The following CCDC181 variants were observed in gnomAD, a reference collection of about 807,000 sequenced individuals.
CCDC181 encodes coiled-coil domain containing 181, also known as coiled-coil domain-containing protein 181.
In CCDC181, 35 loss-of-function variants were observed where a neutral mutation model predicts 58.7. That is an observed-to-expected ratio of 0.60 (90% CI 0.46 to 0.79). The LOEUF (loss-of-function observed/expected upper bound fraction) is 0.79. CCDC181 is among the 30% of genes least tolerant of loss of function. CCDC181 has a pLI of 0.00. For missense variants in CCDC181, 517 were observed against 583.9 expected (o/e 0.89, Z 1.18); for synonymous variants, 183 against 197.5 (o/e 0.93, Z 0.62).
intron 4 of CCDC181, among the ~76,000 whole-genome samples, chr1:169,398,056 C>A (rs1557857166): frequency 6.6e-6 from 1 of 152,124 alleles, no homozygotes; most frequent in Non-Finnish European, 1.5e-5. Flanking sequence ...TATTCAGGAT[C>A]TTTGATGCAC....
At chr1:169,403,062 A>T (rs1655444791) in intron 4 of CCDC181, among the ~76,000 whole-genome samples, 1 of 152,210 alleles carries the variant, frequency 6.6e-6, no homozygotes, top group Non-Finnish European at 1.5e-5. Context: ...AAAAGATACA[A>T]AAAAGGCCAT....
chr1:169,428,719 G>A (rs563898471), upstream of CCDC181, among the ~76,000 whole-genome samples: 2 of 152,066 alleles, frequency 1.3e-5, no homozygotes, highest in African/African-American at 2.4e-5. Context: ...GAAGTGGCAC[G>A]ATCTGGGCTC....
At chr1:169,445,155 T>G (rs950918874) in intron 2 of CCDC181, among the ~76,000 whole-genome samples, 2 of 152,188 alleles carry the variant, frequency 1.3e-5, no homozygotes, top group African/African-American at 2.4e-5. Flanking sequence ...TCTGCAGATA[T>G]TTTCATAGCT....
chr1:169,409,576 GAC>G (rs1440426854), intron 4 of CCDC181, among the ~76,000 whole-genome samples: 1 of 152,144 alleles, frequency 6.6e-6, no homozygotes, highest in Non-Finnish European at 1.5e-5. Context: ...ACAACACCAA[GAC>G]ACATAATCGC....
intron 4 of CCDC181, among the ~76,000 whole-genome samples, chr1:169,400,879 C>T (rs4656674): frequency 0.25 from 38,631 of 152,104 alleles, 6,558 homozygotes; most frequent in Non-Finnish European, 0.38. Flanking sequence ...CACAAGGGGT[C>T]GGGGAATTCC....
intron 2 of CCDC181, among the ~76,000 whole-genome samples, chr1:169,433,535 C>G (rs186891806): frequency 3.9e-5 from 6 of 152,102 alleles, no homozygotes; most frequent in Admixed American, 2.0e-4. Flanking sequence ...TCAAAACTTA[C>G]TATAAAGCTA....
intron 2 of CCDC181, among the ~76,000 whole-genome samples, chr1:169,439,278 G>T (rs1657142893): frequency 6.6e-6 from 1 of 151,764 alleles, no homozygotes; most frequent in African/African-American, 2.4e-5. Context: ...CCACAATGGG[G>T]CTGCAGACAG....
Position 169,422,239 on chromosome 1 carries a change from C to T in CCDC181, c.192G>A (p.Arg64=), listed in dbSNP as rs2102093830. The T allele has an allele frequency of 6.2e-7, 1 of 1,612,580 alleles. No individual in the cohort carries two copies. The highest frequency in any genetic ancestry group is 1.1e-5 in the South Asian group (1 of 91,020). ...ENETVMEHTK[R]HSDPDKSLQD... is the part of the protein sequence containing the mutation. ...GCAAAGATTTGTCAGGATCAGAATGCCGTTTGGTGTGCTCCATTACTGTCT... is the reference window on the plus strand; with the variant it reads ...GCAAAGATTTGTCAGGATCAGAATGTCGTTTGGTGTGCTCCATTACTGTCT... Residue 64 remains arginine (R), a synonymous_variant, in exon 3 of 6, where the codon CGG becomes CGA. Coordinates refer to ENST00000367806, the MANE Select transcript of CCDC181 (RefSeq NM_001300969.2).
At chr1:169,424,701 T>A (rs895391187) in intron 2 of CCDC181, 110 bp downstream of exon 2, 12 of 640,054 alleles carry the variant, frequency 1.9e-5, no homozygotes, top group Non-Finnish European at 3.3e-5. Flanking sequence ...TTGCCCAATG[T>A]AGATCAAAGA....
At chr1:169,449,421 G>A (rs1210004943) in intron 2 of CCDC181, among the ~76,000 whole-genome samples, 1 of 152,150 alleles carries the variant, frequency 6.6e-6, no homozygotes, top group Non-Finnish European at 1.5e-5. Context: ...TCACCAAAGG[G>A]ACAGGACTAA....
chr1:169,440,293 G>A (rs1353157033), intron 2 of CCDC181, among the ~76,000 whole-genome samples: 1 of 152,218 alleles, frequency 6.6e-6, no homozygotes, highest in Non-Finnish European at 1.5e-5. Context: ...CAAACCACAG[G>A]CAGGTAGCAA....
At chr1:169,452,517 T>TATC (rs1657568981) in intron 2 of CCDC181, 1 of 152,134 alleles carries the variant, frequency 6.6e-6, no homozygotes, top group Admixed American at 6.6e-5. Flanking sequence ...GAGGAGGATT[T>TATC]ATCATGAAGC....
At chr1:169,440,931 T>TAAAAAAAAAAAACAAAAAAAA (rs1657207117) in intron 2 of CCDC181, among the ~76,000 whole-genome samples, 1 of 76,904 alleles carries the variant, frequency 1.3e-5, no homozygotes, top group African/African-American at 5.3e-5. Flanking sequence ...CAAGACTGTC[T>TAAAAAAAAAAAACAAAAAAAA]AAAAAAAAAA....
At chr1:169,445,712 T>C (rs1280605020) in intron 2 of CCDC181, among the ~76,000 whole-genome samples, 1 of 152,206 alleles carries the variant, frequency 6.6e-6, no homozygotes, top group Non-Finnish European at 1.5e-5. Context: ...ATTGGTATCA[T>C]TTCTTGCTTA....
intron 2 of CCDC181, among the ~76,000 whole-genome samples, chr1:169,447,753 C>CCTCT (rs1657415414): frequency 1.3e-5 from 2 of 152,078 alleles, no homozygotes; most frequent in Non-Finnish European, 2.9e-5. Context: ...TTATGTAATG[C>CCTCT]CTCTCTATCT....
intron 2 of CCDC181, among the ~76,000 whole-genome samples, chr1:169,444,679 C>T (rs190022044): frequency 5.9e-5 from 9 of 152,220 alleles, no homozygotes; most frequent in African/African-American, 2.2e-4. Flanking sequence ...CTCTTGAATA[C>T]CGCATGTCTT....
rs762100831 is a variant in CCDC181, at chr1:169,421,735, G to A, written c.696C>T (p.Asp232=). ...DGKFELLNLQ[D]IASQGFLPPI... ...GAGGCAAAAACCCCTGACTGGCAAT[G>A]TCTTGTAAATTCAGAAGTTCAAATT... Residue 232 remains aspartate, a synonymous_variant, in exon 3 of 6, where the codon GAC becomes GAT. Coordinates refer to ENST00000367806, the MANE Select transcript of CCDC181 (RefSeq NM_001300969.2). 9 of 1,613,948 alleles carry A rather than the reference G, an allele frequency of 5.6e-6. No homozygotes were observed. Among genetic ancestry groups the A allele is most frequent in the Non-Finnish European group, 5.9e-6 (7 of 1,180,012 alleles).
At chr1:169,443,273 T>G (rs1657285272) in intron 2 of CCDC181, 1 of 152,092 alleles carries the variant, frequency 6.6e-6, no homozygotes, top group East Asian at 1.9e-4. Context: ...TTAGTAGATT[T>G]TTACAGCCTT....
chr1:169,439,886 C>T (rs1293382105), intron 2 of CCDC181, among the ~76,000 whole-genome samples: 3 of 152,236 alleles, frequency 2.0e-5, no homozygotes, highest in African/African-American at 7.2e-5. Context: ...TGACCATCCC[C>T]AGCCGAACTC....
Sources: gnomAD v4.1 joint callset for allele counts (sites outside exome capture counted in the v4.1 genomes callset) on GRCh38, gnomAD v4.1.1 for gene constraint, MANE v1.5 for transcripts, NCBI Gene and HGNC (gene_info 2026-07-23, HGNC 2026-07-21) for gene names.